The following NEGR1 variants were observed in gnomAD, a reference collection of about 807,000 sequenced individuals.
NEGR1 encodes neuronal growth regulator 1.
Under a neutral mutation model 40.9 loss-of-function variants are expected in NEGR1, and 10 were observed. That is an observed-to-expected ratio of 0.24 (90% confidence interval 0.15 to 0.42). The LOEUF (loss-of-function observed/expected upper bound fraction) is 0.42, where lower values mean the gene tolerates loss of function less well. Ranked by LOEUF, NEGR1 falls within the 10% of genes least tolerant of loss-of-function variation. NEGR1 has a pLI of 1.00. For synonymous variants in NEGR1, 185 were observed against 166.8 expected (o/e 1.11, Z -0.84); for missense variants, 352 against 438.9 (o/e 0.80, Z 1.77).
chr1:71,446,648 A>C (rs745974694), intron 6 of NEGR1, among the ~76,000 whole-genome samples: 15 of 152,168 alleles, frequency 9.9e-5, no homozygotes, highest in Non-Finnish European at 1.9e-4. Context: ...TCATAATGGA[A>C]TCTGGTTACT....
intron 6 of NEGR1, among the ~76,000 whole-genome samples, chr1:71,491,522 G>A (rs561475114): frequency 1.6e-4 from 25 of 151,868 alleles, no homozygotes; most frequent in Admixed American, 1.6e-3. Context: ...TATGATGGAG[G>A]GGGAGGCAAG....
At chr1:72,163,314 T>A (rs569225666) in intron 1 of NEGR1, among the ~76,000 whole-genome samples, 2 of 152,304 alleles carry the variant, frequency 1.3e-5, no homozygotes, top group East Asian at 3.9e-4. Context: ...TCTATTCTGC[T>A]AACCTATGAC....
rs116644221 is a variant in NEGR1, at chr1:72,206,039, T to C, written c.176+76280A>G. 3.4e-3 allele frequency among the ~76,000 whole-genome samples: 512 copies of C among 151,040 alleles called. 3 individuals carry two copies. Among genetic ancestry groups the C allele is most frequent in the African/African-American group, 0.012 (489 of 41,104 alleles). On this transcript the variant is annotated intron_variant, in intron 1 of 6. Coordinates refer to ENST00000357731, the MANE Select transcript of NEGR1 (RefSeq NM_173808.3). ...TGAGGATACAGAAATGAATAAGATA[T>C]CTACTATCTGGGGTACATGGTTTGG...
chr1:72,271,447 T>C (rs1208540613), intron 1 of NEGR1, among the ~76,000 whole-genome samples: 3 of 151,804 alleles, frequency 2.0e-5, no homozygotes, highest in African/African-American at 7.3e-5. Flanking sequence ...AGTCAGAGTT[T>C]CTAAAAACTT....
chr1:71,636,186 A>T (rs942920442), intron 4 of NEGR1, among the ~76,000 whole-genome samples: 21 of 152,108 alleles, frequency 1.4e-4, no homozygotes, highest in African/African-American at 4.8e-4. Flanking sequence ...ATAAGTCCTA[A>T]TGAAGAAATA....
chr1:72,116,956 A>C (rs1649604748), intron 1 of NEGR1, among the ~76,000 whole-genome samples: 1 of 151,748 alleles, frequency 6.6e-6, no homozygotes, highest in South Asian at 2.1e-4. Context: ...TTAGTGCCAC[A>C]CACCTCTGAG....
chr1:72,017,838 A>C (rs1385498214), intron 1 of NEGR1, among the ~76,000 whole-genome samples: 1 of 152,116 alleles, frequency 6.6e-6, no homozygotes, highest in Non-Finnish European at 1.5e-5. Flanking sequence ...TAATTTTAAG[A>C]TTGGTCTCAA....
chr1:72,111,194 G>T (rs1288043209), intron 1 of NEGR1, among the ~76,000 whole-genome samples: 1 of 151,330 alleles, frequency 6.6e-6, no homozygotes, highest in African/African-American at 2.4e-5. Context: ...CCATGATTTG[G>T]GGTTGGCTAT....
chr1:72,218,600 G>C (rs992952273), intron 1 of NEGR1, among the ~76,000 whole-genome samples: 15 of 151,784 alleles, frequency 9.9e-5, no homozygotes, highest in African/African-American at 3.6e-4. Context: ...TATGTTTCTT[G>C]AGTTATAGGG....
intron 4 of NEGR1, among the ~76,000 whole-genome samples, chr1:71,686,607 A>G (rs1653048287): frequency 6.6e-6 from 1 of 152,210 alleles, no homozygotes; most frequent in South Asian, 2.1e-4. Context: ...ACTCAGTCAC[A>G]GGGCCAAAGC....
At chr1:71,657,074 T>C (rs1651904190) in intron 4 of NEGR1, among the ~76,000 whole-genome samples, 1 of 152,172 alleles carries the variant, frequency 6.6e-6, no homozygotes, top group Non-Finnish European at 1.5e-5. Context: ...CATGGACCAC[T>C]GTAGTTTGAT....
At chr1:71,662,020 G>C (rs1460048107) in intron 4 of NEGR1, among the ~76,000 whole-genome samples, 1 of 152,204 alleles carries the variant, frequency 6.6e-6, no homozygotes, top group African/African-American at 2.4e-5. Flanking sequence ...ATGTAGAGTT[G>C]TTAGCACCAT....
rs1221074553 is a variant in NEGR1, at chr1:71,588,766, G to C, written c.940+4051C>G. The stretch of plus-strand genomic sequence containing the variant: ...GCACCCAAAGAAGATTTGAGAAAGA[G>C]GCAAACAAGCTGAAAATGATGGAGA... On this transcript the variant is annotated intron_variant, in intron 6 of 6. Coordinates refer to ENST00000357731, the MANE Select transcript of NEGR1 (RefSeq NM_173808.3). Among the ~76,000 whole-genome samples, 2 of 152,058 alleles carry C rather than the reference G, an allele frequency of 1.3e-5. 1 individual carries two copies. The highest frequency in any genetic ancestry group is 2.9e-5 in the Non-Finnish European group (2 of 68,008).
chr1:72,142,781 G>A (rs1557547906), intron 1 of NEGR1, among the ~76,000 whole-genome samples: 1 of 151,692 alleles, frequency 6.6e-6, no homozygotes, highest in Non-Finnish European at 1.5e-5. Flanking sequence ...TTCAGGTCCA[G>A]TGATCCTACA....
chr1:71,969,733 C>T (rs184282156), intron 1 of NEGR1, among the ~76,000 whole-genome samples: 102 of 152,202 alleles, frequency 6.7e-4, no homozygotes, highest in Admixed American at 1.2e-3. Flanking sequence ...TATTTGATTC[C>T]CAGCTGCTTG....
At chr1:72,063,670 G>A (rs1647211662) in intron 1 of NEGR1, among the ~76,000 whole-genome samples, 2 of 151,886 alleles carry the variant, frequency 1.3e-5, no homozygotes, top group African/African-American at 4.8e-5. Context: ...TTTGTGACCA[G>A]GTGGACTTAA....
intron 1 of NEGR1, among the ~76,000 whole-genome samples, chr1:72,154,456 T>C (rs533285733): frequency 6.6e-6 from 1 of 152,122 alleles, no homozygotes; most frequent in South Asian, 2.1e-4. Flanking sequence ...TTCCTTCATG[T>C]CACAATGGGC....
At chr1:71,907,783 A>C (rs1368183023) in intron 2 of NEGR1, among the ~76,000 whole-genome samples, 1 of 152,166 alleles carries the variant, frequency 6.6e-6, no homozygotes, top group African/African-American at 2.4e-5. Flanking sequence ...GCATAAAGAA[A>C]ATAGGGTACA....
chr1:72,041,359 T>C (rs567030781), intron 1 of NEGR1, among the ~76,000 whole-genome samples: 24 of 151,836 alleles, frequency 1.6e-4, no homozygotes, highest in African/African-American at 5.1e-4. Flanking sequence ...GGTGTCTTTA[T>C]TATAAATATT....
Sources: allele counts gnomAD v4.1 joint callset (sites outside exome capture counted in the v4.1 genomes callset), GRCh38; gene constraint gnomAD v4.1.1; transcripts MANE v1.5; gene names NCBI Gene and HGNC (gene_info 2026-07-23, HGNC 2026-07-21).